The following IBTK variants were observed in gnomAD, a reference collection of about 807,000 sequenced individuals.
The protein encoded by IBTK is inhibitor of Bruton tyrosine kinase, also known as BTK-binding protein.
IBTK carries 83 observed loss-of-function variants against 154.9 expected under a neutral mutation model. That is an observed-to-expected ratio of 0.54 (90% CI 0.45 to 0.64). The LOEUF (loss-of-function observed/expected upper bound fraction) is 0.64. Among genes scored for constraint, IBTK ranks in the 30% least tolerant of loss-of-function variants. IBTK has a pLI of 0.00. For synonymous variants in IBTK, 515 were observed against 536.1 expected (o/e 0.96, Z 0.54); for missense variants, 1,332 against 1,584.6 (o/e 0.84, Z 2.71).
At chr6:82,213,560 T>A (rs1162008092) in intron 12 of IBTK, among the ~76,000 whole-genome samples, 1 of 152,100 alleles carries the variant, frequency 6.6e-6, no homozygotes. Flanking sequence ...GAAACTGAAG[T>A]AAGAAGGATC....
chr6:82,202,579 AGTTTCAACT>A lies in IBTK; in HGVS notation c.2669_2677del (p.Gln890_Lys892del). 1 of 1,611,792 alleles carries A rather than the reference AGTTTCAACT, an allele frequency of 6.2e-7. No homozygotes were observed. The highest frequency in any genetic ancestry group is 8.5e-7 in the Non-Finnish European group (1 of 1,178,964). On this transcript the variant is annotated inframe_deletion, in exon 18 of 29. Coordinates refer to ENST00000306270, the MANE Select transcript of IBTK (RefSeq NM_015525.4). ...CAATCCTATAAACTGTAAACAAGAC[AGTTTCAACT>A]GTTTTGCACTATACATTGCTGCAAA...
At chr6:82,204,685 A>G (rs184421182) in intron 17 of IBTK, among the ~76,000 whole-genome samples, 172 bp downstream of exon 17, 1 of 152,170 alleles carries the variant, frequency 6.6e-6, no homozygotes, top group Non-Finnish European at 1.5e-5. Context: ...TATTTCTAAA[A>G]TAAGAATTCA....
intron 25 of IBTK, among the ~76,000 whole-genome samples, chr6:82,187,724 G>C (rs374442654): frequency 6.6e-6 from 1 of 152,076 alleles, no homozygotes; most frequent in African/African-American, 2.4e-5. Flanking sequence ...TCCTGAAGTC[G>C]ACATGAGCAT....
chr6:82,173,521 T>C (rs197245), intron 26 of IBTK, 83 bp from the exon 27 acceptor site: 358,035 of 1,156,412 alleles, frequency 0.31, 58,166 homozygotes, highest in Non-Finnish European at 0.35. Context: ...AGAGGAAGAA[T>C]TGTAAACTCC....
intron 21 of IBTK, among the ~76,000 whole-genome samples, chr6:82,198,059 C>G (rs1329863433): frequency 6.6e-6 from 1 of 152,182 alleles, no homozygotes; most frequent in African/African-American, 2.4e-5. Flanking sequence ...TTGGTCACTA[C>G]TTCAAATCAC....
At chr6:82,194,017 T>A (rs140398599) in intron 23 of IBTK, among the ~76,000 whole-genome samples, 1 of 152,036 alleles carries the variant, frequency 6.6e-6, no homozygotes, top group Non-Finnish European at 1.5e-5. Flanking sequence ...AAAAAATATA[T>A]ATATAATATA....
rs1414513077 is a variant in IBTK, at chr6:82,200,704, G to A, written c.2795C>T (p.Pro932Leu). 1.9e-6 allele frequency: 3 copies of A among 1,553,044 alleles called. No homozygotes were observed. The highest frequency in any genetic ancestry group is 1.7e-6 in the Non-Finnish European group (2 of 1,158,190). Residue 932 changes from proline (P) to leucine (L), a missense_variant, in exon 20 of 29, where the codon CCA (proline) becomes CTA (leucine). Pro to Leu is a moderately conservative substitution (Grantham distance 98, BLOSUM62 -3). Around this residue, in one of 3 missense-constraint regions of IBTK, gnomAD observed 1,134 missense variants for 1,274.7 expected, o/e 0.89. Transcript: ENST00000306270. ...DLSEFYRKMI[P>L]AMDRRVITPY... ...TGTAATGACTCTTCTATCCATTGCTGGAATCTGCAGAATTGAAGATATCAC... is the reference window on the plus strand; with the variant it reads ...TGTAATGACTCTTCTATCCATTGCTAGAATCTGCAGAATTGAAGATATCAC...
chr6:82,172,065 C>G (rs1767941866), intron 28 of IBTK, among the ~76,000 whole-genome samples: 1 of 152,096 alleles, frequency 6.6e-6, no homozygotes, highest in Non-Finnish European at 1.5e-5. Context: ...CTTACTGATA[C>G]AGAAGCCAAG....
At chr6:82,225,781 T>C in intron 5 of IBTK, 134 bp from the exon 6 acceptor site, 1 of 636,954 alleles carries the variant, frequency 1.6e-6, no homozygotes, top group Non-Finnish European at 2.6e-6. Flanking sequence ...CATAGGTAAA[T>C]TCTACATTTC....
chr6:82,180,237 T>TTTTTC (rs1441305271), intron 26 of IBTK, among the ~76,000 whole-genome samples: 5 of 151,662 alleles, frequency 3.3e-5, no homozygotes, highest in South Asian at 2.1e-4. Flanking sequence ...ATTTAAGGTT[T>TTTTTC]TTTTATTTTG....
intron 4 of IBTK, among the ~76,000 whole-genome samples, 155 bp downstream of exon 4, chr6:82,231,563 T>C (rs1315461104): frequency 1.3e-5 from 2 of 152,202 alleles, no homozygotes; most frequent in East Asian, 3.8e-4. Flanking sequence ...TAACAATATC[T>C]AAAATAAAAT....
chr6:82,241,247 C>T (rs943717322), intron 1 of IBTK, among the ~76,000 whole-genome samples: 5 of 151,984 alleles, frequency 3.3e-5, no homozygotes, highest in Non-Finnish European at 7.4e-5. Flanking sequence ...TGTATTTTTA[C>T]ACTCTACTAG....
At chr6:82,246,599 G>A (rs1030164848) in intron 1 of IBTK, among the ~76,000 whole-genome samples, 2 of 151,962 alleles carry the variant, frequency 1.3e-5, no homozygotes, top group African/African-American at 4.8e-5. Flanking sequence ...CACCGCGCCC[G>A]GCCTAAAAAA....
At chr6:82,222,353 T>C (rs893641680) in intron 8 of IBTK, among the ~76,000 whole-genome samples, 2 of 152,198 alleles carry the variant, frequency 1.3e-5, no homozygotes, top group Non-Finnish European at 2.9e-5. Flanking sequence ...CCAGAATTCC[T>C]GTACACAACT....
rs1307670569 is a variant in IBTK at position 82,191,082 on chromosome 6, A to C, written c.3566T>G (p.Val1189Gly). ...LFTPSKAPKP[V>G]NAWASSLHSV... ...AAAAATAAGAGCATACCATGCATTC[A>C]CTGGTTTGGGGGCTTTTGAAGGAGT... Residue 1189 changes from valine to glycine, a missense_variant, in exon 25 of 29, where the codon GTG (valine) becomes GGG (glycine). Transcript: ENST00000306270. The C allele has an allele frequency of 6.4e-7, 1 of 1,556,404 alleles. No individual in the cohort carries two copies.
At chr6:82,221,999 T>C (rs1348764424) in intron 8 of IBTK, among the ~76,000 whole-genome samples, 1 of 152,024 alleles carries the variant, frequency 6.6e-6, no homozygotes, top group African/African-American at 2.4e-5. Flanking sequence ...ACCCCATCTC[T>C]ACTAAAAATA....
chr6:82,171,061 G>A lies in IBTK; in HGVS notation c.*364C>T, dbSNP rs1200237363. 1.3e-5 allele frequency: 2 copies of A among 155,434 alleles called. No individual in the cohort carries two copies. Among genetic ancestry groups the A allele is most frequent in the Non-Finnish European group, 2.8e-5 (2 of 70,532 alleles). The allele number at this position is 155,434 out of a possible 1,614,324, so 9.6% of individuals were successfully genotyped here. ...AGAAGTCAAGCAACAACACATACTTGGCAAAATCTTCTAAATTCTCAAGTT... is the reference window on the plus strand; with the variant it reads ...AGAAGTCAAGCAACAACACATACTTAGCAAAATCTTCTAAATTCTCAAGTT... On this transcript the variant is annotated 3_prime_UTR_variant, in exon 29 of 29. Transcript: ENST00000306270.
In IBTK at chr6:82,212,700, T is replaced by C. The variant is rs2127814087; in HGVS notation, c.2291+7A>G. The C allele has an allele frequency of 6.5e-7, 1 of 1,536,776 alleles. No individual in the cohort carries two copies. The highest frequency in any genetic ancestry group is 9.0e-7 in the Non-Finnish European group (1 of 1,109,998). On this transcript the variant is annotated splice_region_variant and intron_variant, in intron 13 of 28. Transcript: ENST00000306270. ...CATGAAATGTTAATCTTCCTTTCCT[T>C]ACTTACCATTTTTTCTGACTTAGCT...
intron 24 of IBTK, 41 bp downstream of exon 24, chr6:82,191,746 A>T (rs781538267): frequency 8.4e-7 from 1 of 1,193,674 alleles, no homozygotes; most frequent in South Asian, 1.2e-5. Context: ...TTAGGGCAGA[A>T]ATACAACATG....
Sources: allele counts gnomAD v4.1 joint callset (sites outside exome capture counted in the v4.1 genomes callset), GRCh38; gene constraint gnomAD v4.1.1; regional missense constraint gnomAD v4.1.1; transcripts MANE v1.5; gene names NCBI Gene and HGNC (gene_info 2026-07-23, HGNC 2026-07-21).